The following SAMD5 variants were observed in gnomAD, a reference collection of about 807,000 sequenced individuals.
SAMD5 encodes the protein sterile alpha motif domain-containing protein 5.
A neutral mutation model predicts 11.3 loss-of-function variants in SAMD5; 13 were observed. The ratio of observed to expected loss-of-function variants is 1.15; its 90% CI spans 0.75 to 1.83. The LOEUF (loss-of-function observed/expected upper bound fraction) is 1.83, where lower values mean the gene tolerates loss of function less well. Ranked by LOEUF, SAMD5 falls within the 40% of genes most tolerant of loss-of-function variation. SAMD5 has a pLI of 0.00. For synonymous variants in SAMD5, 129 were observed against 111.3 expected (o/e 1.16, Z -1.00); for missense variants, 255 against 239.1 (o/e 1.07, Z -0.44).
chr6:147,650,831 A>G (rs940382502), intron 1 of SAMD5, among the ~76,000 whole-genome samples: 2 of 152,152 alleles, frequency 1.3e-5, no homozygotes, highest in Admixed American at 6.5e-5. Context: ...ATCCAGGCGG[A>G]GATACCTACC....
chr6:147,922,580 G>A, the SAMD5 span, among the ~76,000 whole-genome samples: 1 of 152,034 alleles, frequency 6.6e-6, no homozygotes, highest in Non-Finnish European at 1.5e-5. Flanking sequence ...AGGTGAGGAG[G>A]GATATTTCTT....
At chr6:147,766,229 C>CCAGT in the SAMD5 span, among the ~76,000 whole-genome samples, 1 of 151,880 alleles carries the variant, frequency 6.6e-6, no homozygotes, top group Admixed American at 6.6e-5. Context: ...TTCATTGTCT[C>CCAGT]CAGTTTAAGG....
chr6:147,581,013 A>C (rs1393107291), intron 1 of SAMD5, among the ~76,000 whole-genome samples: 1 of 151,990 alleles, frequency 6.6e-6, no homozygotes, highest in Non-Finnish European at 1.5e-5. Context: ...AGTTTTTTCT[A>C]TTTTTGTCTC....
the SAMD5 span, among the ~76,000 whole-genome samples, chr6:147,822,922 C>G: frequency 1.0e-3 from 158 of 152,316 alleles, 1 homozygote; most frequent in African/African-American, 3.7e-3. Flanking sequence ...TCAAGCGATT[C>G]TCCTGTCTCA....
chr6:147,709,569 C>T (rs575179213), intron 1 of SAMD5, among the ~76,000 whole-genome samples: 2 of 152,158 alleles, frequency 1.3e-5, no homozygotes, highest in African/African-American at 2.4e-5. Context: ...TTGGTCACCA[C>T]CCAGAGAGGT....
intron 1 of SAMD5, among the ~76,000 whole-genome samples, chr6:147,544,549 T>C (rs991874475): frequency 6.6e-6 from 1 of 152,204 alleles, no homozygotes; most frequent in Non-Finnish European, 1.5e-5. Flanking sequence ...ATAGTGTCCT[T>C]GTTACCCTTT....
intron 1 of SAMD5, among the ~76,000 whole-genome samples, chr6:147,628,997 T>C (rs1290081000): frequency 6.6e-6 from 1 of 152,110 alleles, no homozygotes; most frequent in Non-Finnish European, 1.5e-5. Flanking sequence ...GGTGATCAAA[T>C]TTCTGAACCT....
intron 1 of SAMD5, among the ~76,000 whole-genome samples, chr6:147,529,173 G>A (rs1196820669): frequency 6.6e-6 from 1 of 152,138 alleles, no homozygotes; most frequent in Admixed American, 6.5e-5. Context: ...GATGAAAATG[G>A]CAGATCTATT....
At chr6:147,727,527 A>G (rs2128459739) in intron 1 of SAMD5, among the ~76,000 whole-genome samples, 1 of 152,260 alleles carries the variant, frequency 6.6e-6, no homozygotes, top group Admixed American at 6.5e-5. Flanking sequence ...AGCACAAGGG[A>G]GGCACTCAGT....
At chr6:147,761,799 T>G in the SAMD5 span, among the ~76,000 whole-genome samples, 1 of 152,182 alleles carries the variant, frequency 6.6e-6, no homozygotes, top group Non-Finnish European at 1.5e-5. Context: ...CTGCAATCTC[T>G]GCCTCCAGGT....
chr6:147,553,507 C>T (rs1024573037), intron 1 of SAMD5, among the ~76,000 whole-genome samples: 1 of 152,152 alleles, frequency 6.6e-6, no homozygotes, highest in African/African-American at 2.4e-5. Context: ...ATCTCACATA[C>T]CTACAACCAC....
chr6:147,597,802 C>T (rs964841610), intron 1 of SAMD5, among the ~76,000 whole-genome samples: 5 of 152,182 alleles, frequency 3.3e-5, no homozygotes, highest in African/African-American at 1.2e-4. Context: ...GTGGCTGTAG[C>T]TAGGAATCAC....
At chr6:147,820,070 G>C in the SAMD5 span, among the ~76,000 whole-genome samples, 1 of 152,134 alleles carries the variant, frequency 6.6e-6, no homozygotes, top group Non-Finnish European at 1.5e-5. Context: ...GGATTAAGGT[G>C]GCCTCTGGGC....
chr6:147,809,186 A>G, the SAMD5 span, among the ~76,000 whole-genome samples: 16 of 151,988 alleles, frequency 1.1e-4, no homozygotes, highest in Non-Finnish European at 2.4e-4. Context: ...CCTTCTGCAT[A>G]CATTATTTTC....
the SAMD5 span, among the ~76,000 whole-genome samples, chr6:147,922,837 A>G: frequency 1.3e-5 from 2 of 152,310 alleles, no homozygotes; most frequent in Admixed American, 6.5e-5. Context: ...AGTGTGAAGG[A>G]GTGTGTAATA....
At chr6:147,783,522 C>A in the SAMD5 span, among the ~76,000 whole-genome samples, 3 of 151,950 alleles carry the variant, frequency 2.0e-5, no homozygotes, top group African/African-American at 4.8e-5. Context: ...GCCTTCCAAG[C>A]AGCTGGGGCT....
intron 1 of SAMD5, among the ~76,000 whole-genome samples, chr6:147,663,154 C>G (rs1396897083): frequency 2.0e-5 from 3 of 152,150 alleles, no homozygotes; most frequent in Non-Finnish European, 4.4e-5. Flanking sequence ...AATAGTATTG[C>G]ATTTATGTTA....
At chr6:147,530,300 C>T (rs1376469295) in intron 1 of SAMD5, among the ~76,000 whole-genome samples, 1 of 152,256 alleles carries the variant, frequency 6.6e-6, no homozygotes, top group Admixed American at 6.5e-5. Context: ...AATACGGTAA[C>T]TTACCACCTT....
chr6:147,515,464 CCATCCATCCATT>C (rs1360157607), intron 1 of SAMD5, among the ~76,000 whole-genome samples: 38 of 150,162 alleles, frequency 2.5e-4, no homozygotes, highest in Admixed American at 2.3e-3. Flanking sequence ...ATCCATCCAT[CCATCCATCCATT>C]CATTTATTCA....
Sources: allele counts gnomAD v4.1 joint callset (sites outside exome capture counted in the v4.1 genomes callset), GRCh38; gene constraint gnomAD v4.1.1; transcripts MANE v1.5; gene names NCBI Gene and HGNC (gene_info 2026-07-23, HGNC 2026-07-21).